RGCC: variants seen among roughly 807,000 people sequenced by gnomAD.
RGCC encodes regulator of cell cycle.
In RGCC, 15 loss-of-function variants were observed where a neutral mutation model predicts 15.4. That is an observed-to-expected ratio of 0.97 (90% confidence interval 0.65 to 1.50). The LOEUF is 1.50. Ranked by LOEUF, RGCC falls within the 40% of genes most tolerant of loss-of-function variation. The pLI is 0.00. For missense variants in RGCC, 176 were observed against 189.7 expected (o/e 0.93, Z 0.42); for synonymous variants, 81 against 78.0 (o/e 1.04, Z -0.20).
intron 3 of RGCC, among the ~76,000 whole-genome samples, chr13:41,467,929 C>CTAAG (rs945473577): frequency 9.9e-5 from 15 of 152,144 alleles, no homozygotes. Context: ...ACTTAAAAGG[C>CTAAG]TAAGAACAAT....
intron 2 of RGCC, among the ~76,000 whole-genome samples, chr13:41,465,636 C>G (rs1472023865): frequency 1.3e-5 from 2 of 152,114 alleles, no homozygotes; most frequent in African/African-American, 4.8e-5. Context: ...CTTCTGGGGC[C>G]TCATCTTGCT....
At chr13:41,465,530 ATAAG>A (rs2043842699) in intron 2 of RGCC, among the ~76,000 whole-genome samples, 1 of 133,500 alleles carries the variant, frequency 7.5e-6, no homozygotes, top group Non-Finnish European at 1.7e-5. Context: ...CATTCTATTG[ATAAG>A]TAAGCTAGGC....
At chr13:41,460,346 C>T (rs553270536) in intron 2 of RGCC, among the ~76,000 whole-genome samples, 16 of 152,280 alleles carry the variant, frequency 1.1e-4, no homozygotes, top group African/African-American at 3.1e-4. Context: ...TTGTTATCCT[C>T]GTTTGTCTGT....
At chr13:41,466,968 T>A in intron 3 of RGCC, 38 bp downstream of exon 3, 1 of 1,309,200 alleles carries the variant, frequency 7.6e-7, no homozygotes. Flanking sequence ...TTTTGCTTTT[T>A]TATTCCTCTC....
At chr13:41,468,318 TC>T (rs755782644) in intron 3 of RGCC, among the ~76,000 whole-genome samples, 34 of 152,238 alleles carry the variant, frequency 2.2e-4, no homozygotes, top group Non-Finnish European at 4.4e-4. Flanking sequence ...AGGTGTCTGC[TC>T]TGCACAGTGC....
Position 41,457,553 on chromosome 13 carries a change from G to T in RGCC, c.-155G>T. On this transcript the variant is annotated 5_prime_UTR_variant, in exon 1 of 5. Coordinates refer to ENST00000379359, the MANE Select transcript of RGCC (RefSeq NM_014059.3). The surrounding 1 kb of genome is among the most constrained non-coding windows in gnomAD (Gnocchi z 4.9). ...TCTAGGAACCCGAGCCGGTGGTAGGGCGGGCGCGGACCGTGCTGGGAGCGG... is the reference window on the plus strand; with the variant it reads ...TCTAGGAACCCGAGCCGGTGGTAGGTCGGGCGCGGACCGTGCTGGGAGCGG... 1 of 1,273,886 alleles carries T rather than the reference G, an allele frequency of 7.9e-7. No individual in the cohort carries two copies. The highest frequency in any genetic ancestry group is 1.6e-5 in the African/African-American group (1 of 63,378). 78.9% of individuals were successfully genotyped at this position (1,273,886 alleles called of 1,614,324 possible).
intron 4 of RGCC, among the ~76,000 whole-genome samples, chr13:41,469,286 TAATAATAATAAGAAGAAGAAGAAG>T (rs1276503122): frequency 2.5e-4 from 29 of 113,988 alleles, no homozygotes; most frequent in African/African-American, 9.9e-4. Context: ...ATAATAATAA[TAATAATAATAAGAAGAAGAAGAAG>T]AAGAAGAAGA....
At position 41,458,550 on chromosome 13, in the gene RGCC, T is replaced by C; in HGVS notation, c.235+80T>C. The stretch of plus-strand genomic sequence containing the variant: ...CCCCGCGAAGGCTGCGGCCTCAGTT[T>C]TCTTATCAGTAAACTGAGGAATGGT... On this transcript the variant is annotated intron_variant, in intron 2 of 4. Coordinates refer to ENST00000379359, the MANE Select transcript of RGCC (RefSeq NM_014059.3). This position sits in a 1 kb window ranked among gnomAD's most constrained non-coding sequence, Gnocchi z 4.4. The C allele has an allele frequency of 7.2e-7, 1 of 1,397,052 alleles. No homozygotes were observed. Among genetic ancestry groups the C allele is most frequent in the Non-Finnish European group, 9.6e-7 (1 of 1,041,260 alleles). The allele number at this position is 1,397,052 out of a possible 1,614,324, so 86.5% of individuals were successfully genotyped here. A position where few individuals can be genotyped will look rare whatever the true frequency, so the allele number is the denominator to read the frequency against.
Position 41,458,600 on chromosome 13 carries a change from C to G in RGCC, c.235+130C>G. The stretch of plus-strand genomic sequence containing the variant: ...TTTCCTGAAGCTCAACGCAGTAGGC[C>G]GAGTGGTGGCGGGGCCCCTGACGAT... On this transcript the variant is annotated intron_variant, in intron 2 of 4. Coordinates refer to ENST00000379359, the MANE Select transcript of RGCC (RefSeq NM_014059.3). The surrounding 1 kb of genome is among the most constrained non-coding windows in gnomAD (Gnocchi z 4.4). 1 of 1,056,340 alleles carries G rather than the reference C, an allele frequency of 9.5e-7. No individual in the cohort carries two copies. Among genetic ancestry groups the G allele is most frequent in the Non-Finnish European group, 1.3e-6 (1 of 753,448 alleles). The allele number at this position is 1,056,340 out of a possible 1,614,324, so 65.4% of individuals were successfully genotyped here. A position where few individuals can be genotyped will look rare whatever the true frequency, so the allele number is the denominator to read the frequency against.
chr13:41,461,573 T>A (rs997322201), intron 2 of RGCC, among the ~76,000 whole-genome samples: 1 of 152,156 alleles, frequency 6.6e-6, no homozygotes, highest in South Asian at 2.1e-4. Flanking sequence ...GGTATTGGGG[T>A]TTCACATAAT....
chr13:41,468,383 C>G (rs1051915212), intron 3 of RGCC, among the ~76,000 whole-genome samples: 1 of 152,198 alleles, frequency 6.6e-6, no homozygotes, highest in African/African-American at 2.4e-5. Context: ...ATACAAAAAC[C>G]AGACTCCTTT....
At chr13:41,469,726 C>A (rs977828434) in intron 4 of RGCC, among the ~76,000 whole-genome samples, 3 of 152,144 alleles carry the variant, frequency 2.0e-5, no homozygotes, top group Non-Finnish European at 2.9e-5. Flanking sequence ...TACTTGCAAG[C>A]CTCTTATTTG....
rs117304991 is a variant in RGCC, at chr13:41,459,589, T to A, written c.235+1119T>A. ...TCAGGGTTTGACTCAGGAAGCTGAG[T>A]TCCAGCTTGTTTCCTTGGCAGCACT... On this transcript the variant is annotated intron_variant, in intron 2 of 4. Coordinates refer to ENST00000379359, the MANE Select transcript of RGCC (RefSeq NM_014059.3). Among the ~76,000 whole-genome samples the A allele has an allele frequency of 2.1e-3, 320 of 152,350 alleles. 10 individuals are homozygous for A. The East Asian group carries it at 0.047, about 22-fold the overall frequency.
intron 2 of RGCC, among the ~76,000 whole-genome samples, chr13:41,462,035 C>T (rs2043824111): frequency 6.6e-6 from 1 of 152,144 alleles, no homozygotes; most frequent in South Asian, 2.1e-4. Flanking sequence ...TTATTTTGCC[C>T]CCCTTTGGCG....
intron 2 of RGCC, among the ~76,000 whole-genome samples, chr13:41,463,149 G>A (rs2043829764): frequency 6.6e-6 from 1 of 152,072 alleles, no homozygotes; most frequent in Non-Finnish European, 1.5e-5. Context: ...GACTCTACAG[G>A]GTCATGCAGT....
At position 41,470,503 on chromosome 13, in the gene RGCC, C is replaced by T. The variant is rs2043870760; in HGVS notation, c.*18C>T. ...GTATGTGAAACAAGAAGTTCTGGGT[C>T]CTTTCATCATAAGGGAGAAGCTTCA... On this transcript the variant is annotated 3_prime_UTR_variant, in exon 5 of 5. Coordinates refer to ENST00000379359, the MANE Select transcript of RGCC (RefSeq NM_014059.3). 1 of 1,613,154 alleles carries T rather than the reference C, an allele frequency of 6.2e-7. No individual in the cohort carries two copies. The highest frequency in any genetic ancestry group is 8.5e-7 in the Non-Finnish European group (1 of 1,179,168).
At chr13:41,463,487 GT>G (rs2043832000) in intron 2 of RGCC, among the ~76,000 whole-genome samples, 1 of 137,136 alleles carries the variant, frequency 7.3e-6, no homozygotes, top group African/African-American at 2.7e-5. Flanking sequence ...GTGTGTGTGT[GT>G]GTGTGTGTGT....
rs373482679 is a variant in RGCC, at chr13:41,463,659, T to G, written c.236-3164T>G. 1.3e-4 allele frequency among the ~76,000 whole-genome samples: 20 copies of G among 152,206 alleles called. No homozygotes were observed. The East Asian group carries it at 3.3e-3, about 25-fold the overall frequency. On this transcript the variant is annotated intron_variant, in intron 2 of 4. Transcript: ENST00000379359. ...TGGCTGTCAGTTTGTCTGTATATTT[T>G]CTCAGTTTGGGAAAAATTCTCACAT...
At chr13:41,469,985 C>A (rs2043868323) in intron 4 of RGCC, among the ~76,000 whole-genome samples, 1 of 152,138 alleles carries the variant, frequency 6.6e-6, no homozygotes, top group Non-Finnish European at 1.5e-5. Flanking sequence ...TTTGTCCCAG[C>A]CCCTTAATTT....
Sources: gnomAD v4.1 joint callset for allele counts (sites outside exome capture counted in the v4.1 genomes callset) on GRCh38, gnomAD v4.1.1 for gene constraint, Gnocchi (gnomAD v3.1) non-coding constraint, MANE v1.5 for transcripts, NCBI Gene and HGNC (gene_info 2026-07-23, HGNC 2026-07-21) for gene names.